The following MTUS2 variants were observed in gnomAD, a reference collection of about 807,000 sequenced individuals.
MTUS2 encodes the protein microtubule-associated tumor suppressor candidate 2.
In MTUS2, 40 loss-of-function variants were observed where a neutral mutation model predicts 114.1. The ratio of observed to expected loss-of-function variants is 0.35; its 90% CI spans 0.27 to 0.46. The LOEUF (loss-of-function observed/expected upper bound fraction) is 0.46, where lower values mean the gene tolerates loss of function less well. Among genes scored for constraint, MTUS2 ranks in the 20% least tolerant of loss-of-function variants. The pLI is 1.00. For missense variants in MTUS2, 1,679 were observed against 1,705.4 expected (o/e 0.98, Z 0.27); for synonymous variants, 688 against 672.0 (o/e 1.02, Z -0.37).
intron 2 of MTUS2, among the ~76,000 whole-genome samples, chr13:28,894,299 A>C (rs1593277569): frequency 2.7e-4 from 1 of 3,732 alleles, no homozygotes; most frequent in African/African-American, 1.4e-3. Context: ...GGAGAGAGAG[A>C]GAGAGGGGGG....
intron 2 of MTUS2, among the ~76,000 whole-genome samples, chr13:28,954,025 G>C (rs1882940005): frequency 6.6e-6 from 1 of 152,152 alleles, no homozygotes; most frequent in Non-Finnish European, 1.5e-5. Context: ...TCCAGAAATA[G>C]ATCTCAGTAT....
chr13:28,924,353 G>A (rs1484456039), intron 2 of MTUS2, among the ~76,000 whole-genome samples: 1 of 152,130 alleles, frequency 6.6e-6, no homozygotes, highest in African/African-American at 2.4e-5. Flanking sequence ...TGTATTTGTT[G>A]CTGAGCTTTC....
At chr13:29,314,259 T>G (rs1034782814) in intron 6 of MTUS2, among the ~76,000 whole-genome samples, 1 of 152,156 alleles carries the variant, frequency 6.6e-6, no homozygotes. Context: ...CACTGAGGTA[T>G]AACCTTACAT....
chr13:29,203,125 G>A (rs60796821), intron 5 of MTUS2, among the ~76,000 whole-genome samples: 3,745 of 152,308 alleles, frequency 0.025, 152 homozygotes, highest in African/African-American at 0.085. Context: ...GCCCCTTTCC[G>A]CAGATGCTCT....
At chr13:29,071,015 A>G (rs1279355351) in intron 4 of MTUS2, among the ~76,000 whole-genome samples, 1 of 145,036 alleles carries the variant, frequency 6.9e-6, no homozygotes, top group East Asian at 2.0e-4. Context: ...TTATTGATTT[A>G]TTTTTTTGAG....
intron 9 of MTUS2, among the ~76,000 whole-genome samples, chr13:29,466,610 C>T (rs1183734664): frequency 1.3e-5 from 2 of 151,986 alleles, no homozygotes; most frequent in East Asian, 3.9e-4. Flanking sequence ...GGTGTGGTGG[C>T]TCACGCCTGT....
intron 2 of MTUS2, among the ~76,000 whole-genome samples, chr13:28,876,354 A>G (rs922189849): frequency 6.6e-6 from 1 of 152,202 alleles, no homozygotes; most frequent in African/African-American, 2.4e-5. Context: ...TGGTTAAAGA[A>G]TGAGATTTAT....
rs367925438 is a variant in MTUS2 at position 29,301,164 on chromosome 13, C to CA, written c.2806+19300dup. ...GGGGAAAGCCCTCCAGCTTGCCCCC[C>CA]ACCCCGAACTGTTGGTGGTAGCCTT... On this transcript the variant is annotated intron_variant, in intron 6 of 15. Coordinates refer to ENST00000612955, the MANE Select transcript of MTUS2 (RefSeq NM_001033602.4). 6.7e-3 allele frequency among the ~76,000 whole-genome samples: 1,025 copies of CA among 152,338 alleles called. 15 individuals carry two copies. The highest frequency in any genetic ancestry group is 0.023 in the African/African-American group (951 of 41,584).
intron 6 of MTUS2, among the ~76,000 whole-genome samples, chr13:29,282,336 TC>T (rs1235328326): frequency 3.3e-5 from 5 of 152,194 alleles, no homozygotes; most frequent in African/African-American, 1.2e-4. Flanking sequence ...GATCCACTAC[TC>T]CCATGGTAGG....
chr13:29,361,521 C>A (rs1403690785), intron 8 of MTUS2, among the ~76,000 whole-genome samples: 1 of 152,084 alleles, frequency 6.6e-6, no homozygotes, highest in African/African-American at 2.4e-5. Flanking sequence ...TGCAGGCCGT[C>A]ATGCATGCCA....
At chr13:28,909,512 T>C (rs1018812067) in intron 2 of MTUS2, among the ~76,000 whole-genome samples, 1 of 152,154 alleles carries the variant, frequency 6.6e-6, no homozygotes, top group Admixed American at 6.6e-5. Flanking sequence ...ATAAATTAGG[T>C]ATTTATGGGA....
chr13:28,823,932 A>G (rs542994023), intron 1 of MTUS2, among the ~76,000 whole-genome samples: 2 of 152,322 alleles, frequency 1.3e-5, no homozygotes, highest in African/African-American at 4.8e-5. Flanking sequence ...AGATTTCATG[A>G]GAACTTACTG....
chr13:29,229,121 C>A, intron 5 of MTUS2, among the ~76,000 whole-genome samples: 1 of 152,078 alleles, frequency 6.6e-6, no homozygotes, highest in Admixed American at 6.6e-5. Flanking sequence ...ACTTTGATAC[C>A]TTGATTCTGG....
chr13:29,223,871 C>T (rs1206072356), intron 5 of MTUS2, among the ~76,000 whole-genome samples: 1 of 152,194 alleles, frequency 6.6e-6, no homozygotes, highest in Non-Finnish European at 1.5e-5. Flanking sequence ...TTCCAGGAGC[C>T]ACCACATTCC....
chr13:29,241,293 A>G (rs1896722685), intron 5 of MTUS2, among the ~76,000 whole-genome samples: 1 of 152,198 alleles, frequency 6.6e-6, no homozygotes, highest in African/African-American at 2.4e-5. Context: ...GGAGACTTTA[A>G]GTGAAAATCA....
intron 1 of MTUS2, among the ~76,000 whole-genome samples, chr13:28,828,591 GTTC>G (rs1262786226): frequency 6.6e-6 from 1 of 152,100 alleles, no homozygotes; most frequent in Non-Finnish European, 1.5e-5. Context: ...TACAATTTAT[GTTC>G]TTCTGCCATG....
intron 14 of MTUS2, 95 bp downstream of exon 14, chr13:29,498,632 C>T (rs1399714713): frequency 1.3e-6 from 2 of 1,516,784 alleles, no homozygotes; most frequent in Non-Finnish European, 1.8e-6. Flanking sequence ...AGGTGTGTCC[C>T]TTACCTGCCC....
chr13:29,176,645 G>A (rs965908251), intron 5 of MTUS2, among the ~76,000 whole-genome samples: 6 of 152,126 alleles, frequency 3.9e-5, no homozygotes, highest in Non-Finnish European at 8.8e-5. Context: ...GCTCCCCCAG[G>A]CCTCTTTTAT....
intron 8 of MTUS2, among the ~76,000 whole-genome samples, chr13:29,427,024 G>T (rs1411482292): frequency 6.6e-6 from 1 of 152,188 alleles, no homozygotes; most frequent in Non-Finnish European, 1.5e-5. Context: ...TCCCTCTGAG[G>T]TCTGCCCAAG....
Sources: allele counts gnomAD v4.1 joint callset (sites outside exome capture counted in the v4.1 genomes callset), GRCh38; gene constraint gnomAD v4.1.1; transcripts MANE v1.5; gene names NCBI Gene and HGNC (gene_info 2026-07-23, HGNC 2026-07-21).